GPR155: variants seen among roughly 807,000 people sequenced by gnomAD.
GPR155 encodes lysosomal cholesterol signaling protein.
In GPR155, 65 loss-of-function variants were observed where a neutral mutation model predicts 93.1. The ratio of observed to expected loss-of-function variants is 0.70; its 90% CI spans 0.57 to 0.86. The LOEUF (loss-of-function observed/expected upper bound fraction) is 0.86, where lower values mean the gene tolerates loss of function less well. GPR155 is among the 40% of genes least tolerant of loss of function. The probability of loss-of-function intolerance (pLI) is 0.00; values close to 1 mark genes in which losing one functional copy is unlikely to be tolerated. For synonymous variants in GPR155, 319 were observed against 360.1 expected (o/e 0.89, Z 1.29); for missense variants, 838 against 1,034.8 (o/e 0.81, Z 2.61).
chr2:174,461,370 C>T (rs982159267), intron 9 of GPR155, 32 bp downstream of exon 9: 2 of 1,355,820 alleles, frequency 1.5e-6, no homozygotes, highest in Non-Finnish European at 2.1e-6. Flanking sequence ...GAGACATTCT[C>T]AAGAACAGAA....
At chr2:174,480,893 T>C (rs1219924982) in intron 2 of GPR155, among the ~76,000 whole-genome samples, 1 of 152,094 alleles carries the variant, frequency 6.6e-6, no homozygotes, top group East Asian at 1.9e-4. Context: ...CCTCAGCCTC[T>C]TGGGTAGCTG....
intron 1 of GPR155, among the ~76,000 whole-genome samples, chr2:174,483,853 G>A (rs1034293921): frequency 6.6e-6 from 1 of 152,102 alleles, no homozygotes; most frequent in Non-Finnish European, 1.5e-5. Context: ...CCAAAATGCT[G>A]GGATTATAGG....
At position 174,477,285 on chromosome 2, in the gene GPR155, TC is replaced by T. The variant is rs1392031288; in HGVS notation, c.461-3922del. Among the ~76,000 whole-genome samples, 3 of 152,280 alleles carry T rather than the reference TC, an allele frequency of 2.0e-5. No individual in the cohort carries two copies. In the South Asian group the frequency reaches 6.2e-4, roughly 32 times the overall value. On this transcript the variant is annotated intron_variant, in intron 2 of 15. Coordinates refer to ENST00000392552, the MANE Select transcript of GPR155 (RefSeq NM_152529.7). ...ATCAAGCTAATTAAAATATGCATAA[TC>T]TCACATATTTATCATTTTTTCTGAT...
At chr2:174,457,271 C>T (rs1687546309) in intron 10 of GPR155, among the ~76,000 whole-genome samples, 1 of 152,194 alleles carries the variant, frequency 6.6e-6, no homozygotes, top group Non-Finnish European at 1.5e-5. Flanking sequence ...AAGACTGCTC[C>T]ACTGCGCTCC....
chr2:174,459,213 C>T (rs981075743), intron 10 of GPR155, among the ~76,000 whole-genome samples: 2 of 152,210 alleles, frequency 1.3e-5, no homozygotes, highest in Non-Finnish European at 2.9e-5. Flanking sequence ...ATTAATCTGG[C>T]TTTAAACAGG....
rs1488791658 is a variant in GPR155, at chr2:174,473,275, C to G, written c.550G>C (p.Gly184Arg). 6.2e-7 allele frequency: 1 copy of G among 1,611,166 alleles called. No individual in the cohort carries two copies. The highest frequency in any genetic ancestry group is 8.5e-7 in the Non-Finnish European group (1 of 1,177,714). The part of the protein sequence containing the change: ...PISLMMLNPI[G>R]FIFCEIQKWK... The stretch of plus-strand genomic sequence containing the variant: ...TTTTGGATTTCACAGAAAATAAACC[C>G]TATAGGGTTTAACATCATAAGAGAT... Residue 184 changes from glycine (G) to arginine (R), a missense_variant, in exon 3 of 16, where the codon GGG becomes CGG. By Grantham distance (125) the Gly-to-Arg change is moderately radical. Transcript: ENST00000392552.
intron 2 of GPR155, among the ~76,000 whole-genome samples, chr2:174,479,199 G>C (rs1371290916): frequency 6.6e-6 from 1 of 152,158 alleles, no homozygotes; most frequent in Non-Finnish European, 1.5e-5. Flanking sequence ...GAAAAGCAGT[G>C]ATAAAATGGC....
intron 2 of GPR155, among the ~76,000 whole-genome samples, chr2:174,480,329 A>G (rs886791872): frequency 3.3e-5 from 5 of 152,198 alleles, no homozygotes; most frequent in African/African-American, 1.2e-4. Flanking sequence ...TAATATGTGC[A>G]ATAACTTTGT....
intron 3 of GPR155, among the ~76,000 whole-genome samples, chr2:174,472,148 G>A (rs951600014): frequency 2.0e-5 from 3 of 152,182 alleles, no homozygotes; most frequent in Non-Finnish European, 4.4e-5. Flanking sequence ...GCTCATGCCT[G>A]TAATCCCAGC....
chr2:174,446,594 C>G lies in GPR155; in HGVS notation c.2013+17G>C. On this transcript the variant is annotated intron_variant, in intron 12 of 15. Transcript: ENST00000392552. ...TTAAAGAAATGGCCCCAAAACAAAACCAGAAAAAACCATTACAGCGAACAG... is the reference window on the plus strand; with the variant it reads ...TTAAAGAAATGGCCCCAAAACAAAAGCAGAAAAAACCATTACAGCGAACAG... 1 of 1,587,420 alleles carries G rather than the reference C, an allele frequency of 6.3e-7. No individual in the cohort carries two copies. Among genetic ancestry groups the G allele is most frequent in the Non-Finnish European group, 8.5e-7 (1 of 1,169,958 alleles).
intron 7 of GPR155, among the ~76,000 whole-genome samples, chr2:174,463,804 GA>G (rs1275344967): frequency 6.6e-6 from 1 of 152,212 alleles, no homozygotes; most frequent in Non-Finnish European, 1.5e-5. Context: ...TTTGGTTTTA[GA>G]ATTGCATATT....
intron 3 of GPR155, 71 bp from the exon 4 acceptor site, chr2:174,470,626 G>T (rs978322216): frequency 2.1e-6 from 3 of 1,418,698 alleles, no homozygotes; most frequent in African/African-American, 2.8e-5. Flanking sequence ...GGCTGCTCTG[G>T]TGAATTTGGC....
intron 13 of GPR155, among the ~76,000 whole-genome samples, chr2:174,444,247 C>G (rs1687047575): frequency 6.6e-6 from 1 of 151,690 alleles, no homozygotes; most frequent in Non-Finnish European, 1.5e-5. Flanking sequence ...GAAACCCCGT[C>G]TCTACTAAAA....
intron 11 of GPR155, among the ~76,000 whole-genome samples, chr2:174,447,547 A>AT (rs1255064265): frequency 1.4e-5 from 2 of 146,092 alleles, no homozygotes; most frequent in South Asian, 2.1e-4. Context: ...TAATTTGTGC[A>AT]TATTATATAA....
chr2:174,437,452 T>C (rs1007261694), intron 15 of GPR155, among the ~76,000 whole-genome samples: 1 of 152,224 alleles, frequency 6.6e-6, no homozygotes, highest in Non-Finnish European at 1.5e-5. Context: ...AGTATTTCAT[T>C]TAGAGATAAG....
At chr2:174,443,686 T>C (rs796092094) in intron 13 of GPR155, among the ~76,000 whole-genome samples, 2 of 151,458 alleles carry the variant, frequency 1.3e-5, no homozygotes, top group African/African-American at 4.8e-5. Context: ...CTAATGCCAA[T>C]GCACTCCAGC....
In GPR155 at chr2:174,446,676, T is replaced by G; in HGVS notation, c.1948A>C (p.Ser650Arg). ...LAQEEEQYLQ[S>R]GDQQLTRHVL... ...TGTCGGGTCAGTTGCTGGTCTCCAC[T>G]CTGTAGATACTGTTCTTCTTCCTGG... Residue 650 changes from serine (S) to arginine (R), a missense_variant, in exon 12 of 16, where the codon AGT becomes CGT. Physicochemically the swap from Ser to Arg is moderately radical, Grantham distance 110. This residue lies in a region of GPR155 where 663 missense variants were observed against 790.1 expected (regional missense o/e 0.84). Coordinates refer to ENST00000392552, the MANE Select transcript of GPR155 (RefSeq NM_152529.7). The G allele has an allele frequency of 2.5e-6, 4 of 1,613,836 alleles. No homozygotes were observed. The highest frequency in any genetic ancestry group is 1.7e-5 in the Admixed American group (1 of 60,022).
intron 15 of GPR155, among the ~76,000 whole-genome samples, chr2:174,437,967 A>G (rs1382400489): frequency 6.6e-6 from 1 of 150,872 alleles, no homozygotes; most frequent in African/African-American, 2.4e-5. Flanking sequence ...ATAACAGCCC[A>G]TGGCTGGGTA....
chr2:174,474,588 TA>T (rs987698623), intron 2 of GPR155, among the ~76,000 whole-genome samples: 1 of 152,122 alleles, frequency 6.6e-6, no homozygotes, highest in Non-Finnish European at 1.5e-5. Context: ...CAATGCTAGC[TA>T]AAAAAATCTG....
Sources: allele counts gnomAD v4.1 joint callset (sites outside exome capture counted in the v4.1 genomes callset), GRCh38; gene constraint gnomAD v4.1.1; regional missense constraint gnomAD v4.1.1; transcripts MANE v1.5; gene names NCBI Gene and HGNC (gene_info 2026-07-23, HGNC 2026-07-21).